The following UTY variants were observed in gnomAD, a reference collection of about 807,000 sequenced individuals.
The protein encoded by UTY is histone demethylase UTY.
In UTY, 12 loss-of-function variants were observed where a neutral mutation model predicts 32.5. The observed-to-expected ratio is 0.37, with a 90% CI of 0.24 to 0.60. The LOEUF (loss-of-function observed/expected upper bound fraction) is 0.60, where lower values mean the gene tolerates loss of function less well. UTY is among the 20% of genes least tolerant of loss of function. The pLI, the probability that UTY is intolerant of heterozygous loss-of-function variation, is 0.69. For synonymous variants in UTY, 131 were observed against 103.4 expected, an observed-to-expected ratio of 1.27 and a Z score of -1.62; for missense variants, 303 against 299.2, an observed-to-expected ratio of 1.01 and a Z score of -0.09.
intron 6 of UTY, among the ~76,000 whole-genome samples, chrY:13,404,968 T>C (rs2069651073): frequency 3.0e-5 from 1 of 33,214 alleles, no homozygotes; most frequent in African/African-American, 1.2e-4. Context: ...CTGTCAAGTT[T>C]ATTGCAGTAT....
In UTY at chrY:13,461,496, A is replaced by G. The variant is rs886847194; in HGVS notation, c.325+8625T>C. 2.7e-4 allele frequency among the ~76,000 whole-genome samples: 9 copies of G among 33,629 alleles called. No individual in the cohort carries two copies. In the East Asian group the frequency reaches 6.1e-3, roughly 23 times the overall value. 90.2% of individuals were successfully genotyped at this position (33,629 alleles called of 37,273 possible). ...TTGTGTGTGTGTATTCCTCGCTTCC[A>G]TGATGCCGGTAATGGATATATAACA... On this transcript the variant is annotated intron_variant, in intron 3 of 29. Transcript: ENST00000545955.
rs2054115634 is a variant in UTY at position 13,251,026 on chromosome Y, T to C, written c.4299A>G (p.Gln1433=). Residue 1433 remains glutamine, a synonymous_variant, in exon 29 of 30, where the codon CAA becomes CAG. Transcript: ENST00000545955. ...CGTGTTAATGACTTACTAGTGTAAATTGATCATAAACTTGGATTAGGTCCT... is the reference window on the plus strand; with the variant it reads ...CGTGTTAATGACTTACTAGTGTAAACTGATCATAAACTTGGATTAGGTCCT... The part of the protein sequence containing the change: ...KMEDLIQVYD[Q]FTLALSLSSS... 28 of 396,555 alleles carry C rather than the reference T, an allele frequency of 7.1e-5. No homozygotes were observed. The highest frequency in any genetic ancestry group is 9.9e-5 in the Non-Finnish European group (28 of 282,907).
chrY:13,405,503 A>G (rs568926768), intron 6 of UTY, among the ~76,000 whole-genome samples: 10 of 32,548 alleles, frequency 3.1e-4, no homozygotes, highest in African/African-American at 7.1e-4. Context: ...AGTTTTCTAT[A>G]TAGCATAGCA....
chrY:13,339,764 C>T (rs915191156), intron 17 of UTY, among the ~76,000 whole-genome samples: 2 of 33,212 alleles, frequency 6.0e-5, no homozygotes, highest in Admixed American at 5.4e-4. Context: ...AAAAACCAGA[C>T]CTAGGACACT....
chrY:13,258,303 A>G, intron 28 of UTY, among the ~76,000 whole-genome samples: 1 of 33,316 alleles, frequency 3.0e-5, no homozygotes, highest in Non-Finnish European at 7.4e-5. Context: ...CTTGAATTGC[A>G]CCTCTCAGTC....
intron 4 of UTY, among the ~76,000 whole-genome samples, chrY:13,417,052 G>A (rs751318697): frequency 2.9e-5 from 1 of 34,053 alleles, no homozygotes; most frequent in African/African-American, 1.1e-4. Flanking sequence ...ATGCATGCTT[G>A]TCACATTAGC....
intron 17 of UTY, among the ~76,000 whole-genome samples, chrY:13,352,206 A>T: frequency 1.5e-4 from 5 of 33,630 alleles, no homozygotes; most frequent in African/African-American, 5.8e-4. Context: ...CACCTAATAA[A>T]CCCTACAATG....
At chrY:13,388,828 A>G (rs2067202846) in intron 8 of UTY, among the ~76,000 whole-genome samples, 1 of 31,075 alleles carries the variant, frequency 3.2e-5, no homozygotes, top group Non-Finnish European at 7.7e-5. Context: ...ACAAGATCTA[A>G]TGATTTTATT....
At chrY:13,426,956 C>G (rs2073388378) in intron 4 of UTY, among the ~76,000 whole-genome samples, 2 of 33,082 alleles carry the variant, frequency 6.0e-5, no homozygotes, top group Non-Finnish European at 1.5e-4. Context: ...GTAAATAAAC[C>G]ATTTATCTCA....
At chrY:13,355,533 A>G in intron 16 of UTY, 135 bp from the exon 17 acceptor site, 1 of 321,271 alleles carries the variant, frequency 3.1e-6, no homozygotes, top group Non-Finnish European at 4.3e-6. Flanking sequence ...TAATTCCTAT[A>G]AAAAGAAGAA....
intron 8 of UTY, among the ~76,000 whole-genome samples, chrY:13,370,758 G>C (rs1603443254): frequency 6.1e-5 from 2 of 32,930 alleles, no homozygotes; most frequent in Admixed American, 5.6e-4. Flanking sequence ...TGATTAAACA[G>C]AAAAAATTGG....
chrY:13,428,777 A>G, intron 4 of UTY, among the ~76,000 whole-genome samples: 1 of 33,952 alleles, frequency 2.9e-5, no homozygotes, highest in South Asian at 6.5e-4. Context: ...TACTTTGGGC[A>G]GTTAGTCATT....
chrY:13,404,020 A>G, intron 6 of UTY, among the ~76,000 whole-genome samples: 1 of 33,796 alleles, frequency 3.0e-5, no homozygotes, highest in Non-Finnish European at 7.4e-5. Context: ...GTCAATACTG[A>G]GCAAATAAAG....
chrY:13,480,570 A>G, upstream of UTY: 1 of 32,253 alleles, frequency 3.1e-5, no homozygotes, highest in Non-Finnish European at 7.6e-5. Flanking sequence ...AAGAGAAGGC[A>G]TAATATCTTA....
chrY:13,431,871 G>A (rs2074056467), intron 4 of UTY, among the ~76,000 whole-genome samples: 5 of 33,277 alleles, frequency 1.5e-4, no homozygotes, highest in Admixed American at 1.3e-3. Flanking sequence ...AGACGTGAAC[G>A]TACAGAAAAA....
intron 27 of UTY, among the ~76,000 whole-genome samples, chrY:13,264,366 G>A (rs773269491): frequency 1.2e-4 from 4 of 32,975 alleles, no homozygotes; most frequent in African/African-American, 3.6e-4. Context: ...TTCCACAATG[G>A]CTGAACTAAT....
At chrY:13,408,750 A>C (rs2070429345) in intron 6 of UTY, among the ~76,000 whole-genome samples, 1 of 32,672 alleles carries the variant, frequency 3.1e-5, no homozygotes, top group African/African-American at 1.2e-4. Context: ...ATGAGGGAAA[A>C]CTTAAGAAAT....
intron 4 of UTY, among the ~76,000 whole-genome samples, chrY:13,445,346 C>G: frequency 4.2e-5 from 1 of 23,802 alleles, no homozygotes; most frequent in African/African-American, 1.7e-4. Flanking sequence ...GGAAAATTCA[C>G]AAATTGTGGA....
At chrY:13,433,181 T>C (rs762244132) in intron 4 of UTY, among the ~76,000 whole-genome samples, 1 of 33,138 alleles carries the variant, frequency 3.0e-5, no homozygotes, top group African/African-American at 1.2e-4. Context: ...TCAAAACCAA[T>C]ATAAAGCACC....
Sources: allele counts gnomAD v4.1 joint callset (sites outside exome capture counted in the v4.1 genomes callset), GRCh38; gene constraint gnomAD v4.1.1; transcripts MANE v1.5; gene names NCBI Gene and HGNC (gene_info 2026-07-23, HGNC 2026-07-21).